RANBP17: variants seen among roughly 807,000 people sequenced by gnomAD.
RANBP17 encodes the protein ran-binding protein 17.
RANBP17 carries 158 observed loss-of-function variants against 141.2 expected under a neutral mutation model. The observed-to-expected ratio is 1.12, with a 90% CI of 0.98 to 1.28. The LOEUF is 1.28. Ranked by LOEUF, RANBP17 falls within the 50% of genes most tolerant of loss-of-function variation. RANBP17 has a pLI of 0.00. For synonymous variants in RANBP17, 430 were observed against 450.0 expected, an observed-to-expected ratio of 0.96 and a Z score of 0.56; for missense variants, 1,438 against 1,290.7, an observed-to-expected ratio of 1.11 and a Z score of -1.75.
Position 170,909,765 on chromosome 5 carries a change from G to T in RANBP17, c.594G>T (p.Glu198Asp), listed in dbSNP as rs749653839. 3 of 1,429,260 alleles carry T rather than the reference G, an allele frequency of 2.1e-6. No individual in the cohort carries two copies. The highest frequency in any genetic ancestry group is 2.9e-6 in the Non-Finnish European group (3 of 1,017,898). The allele number at this position is 1,429,260 out of a possible 1,614,324, so 88.5% of individuals were successfully genotyped here. The stretch of plus-strand genomic sequence containing the variant: ...TGCTAGCATGCTCTCTTTTAAAAGA[G>T]GTAAGTTATTTGATAATTCAACTTC... ...VLVLACSLLK[E>D]VFAKPLNLQD... is the part of the protein sequence containing the mutation. The change falls in exon 6 of 28, where the codon GAG (glutamate) becomes GAT (aspartate). Residue 198 changes from glutamate to aspartate, a missense_variant and splice_region_variant. By Grantham distance (45) the Glu-to-Asp change is conservative. Coordinates refer to ENST00000523189, the MANE Select transcript of RANBP17 (RefSeq NM_022897.5).
At chr5:170,983,373 T>C (rs1365941788) in intron 14 of RANBP17, 1 of 234,056 alleles carries the variant, frequency 4.3e-6, no homozygotes, top group Non-Finnish European at 8.4e-6. Flanking sequence ...TAGTAATAAA[T>C]AGAATCACAT....
chr5:170,952,174 C>T lies in RANBP17; in HGVS notation c.1469-1423C>T, dbSNP rs72842821. Among the ~76,000 whole-genome samples, 367 of 152,082 alleles carry T rather than the reference C, an allele frequency of 2.4e-3. 1 individual carries two copies. Among genetic ancestry groups the T allele is most frequent in the South Asian group, 0.01 (49 of 4,822 alleles). ...CTTCTATGATAGACTTTTATATTGA[C>T]CCTAAAACACTGAAATTCATAAGGT... is the stretch of plus-strand genomic sequence containing the variant. On this transcript the variant is annotated intron_variant, in intron 12 of 27. Transcript: ENST00000523189.
chr5:171,138,655 A>T (rs1757479846), intron 14 of RANBP17, among the ~76,000 whole-genome samples: 1 of 152,064 alleles, frequency 6.6e-6, no homozygotes, highest in South Asian at 2.1e-4. Flanking sequence ...TATTTCCCCA[A>T]CTGGAAATAT....
chr5:170,903,666 G>A (rs567996149), intron 5 of RANBP17: 11 of 279,118 alleles, frequency 3.9e-5, no homozygotes, highest in East Asian at 2.8e-4. Context: ...AACTTAATGA[G>A]CAAGCAGACT....
chr5:171,266,421 G>T (rs1289268859), intron 25 of RANBP17, among the ~76,000 whole-genome samples: 1 of 152,098 alleles, frequency 6.6e-6, no homozygotes, highest in African/African-American at 2.4e-5. Flanking sequence ...GTTCTAACTA[G>T]CTAATGGGTT....
intron 1 of RANBP17, among the ~76,000 whole-genome samples, chr5:170,862,922 A>C (rs1215127070): frequency 6.6e-6 from 1 of 152,182 alleles, no homozygotes; most frequent in Non-Finnish European, 1.5e-5. Context: ...CATAGCACAG[A>C]AAAGGGGGTA....
intron 14 of RANBP17, among the ~76,000 whole-genome samples, chr5:171,059,923 G>A (rs1783693085): frequency 2.3e-5 from 1 of 44,142 alleles, no homozygotes; most frequent in Admixed American, 2.9e-4. Flanking sequence ...TCTCTTTGAA[G>A]CAATTGTGAA....
chr5:171,048,115 T>G (rs1782712467), intron 14 of RANBP17, among the ~76,000 whole-genome samples: 1 of 152,100 alleles, frequency 6.6e-6, no homozygotes, highest in South Asian at 2.1e-4. Context: ...CATCCTGGAG[T>G]GCGATGACAC....
chr5:171,056,517 T>C lies in RANBP17; in HGVS notation c.1710+88140T>C, dbSNP rs1297084294. ...AAATCATATCAGAATTACAGGAGTT[T>C]CCCGTAATTTTGGAACAGATACCAA... On this transcript the variant is annotated intron_variant, in intron 14 of 27. Transcript: ENST00000523189. Among the ~76,000 whole-genome samples the C allele has an allele frequency of 2.0e-5, 3 of 152,240 alleles. No homozygotes were observed. The South Asian group carries it at 6.2e-4, about 32-fold the overall frequency.
chr5:171,276,146 A>G (rs1007941978), intron 25 of RANBP17, among the ~76,000 whole-genome samples: 4 of 152,254 alleles, frequency 2.6e-5, no homozygotes, highest in Admixed American at 6.5e-5. Context: ...GCAGTTGTTC[A>G]AAACTCAAGA....
At chr5:170,950,236 A>G (rs1055935827) in intron 12 of RANBP17, among the ~76,000 whole-genome samples, 6 of 152,144 alleles carry the variant, frequency 3.9e-5, no homozygotes, top group Admixed American at 2.0e-4. Context: ...AAATAGACAA[A>G]TGGGATTATA....
At chr5:171,298,136 G>A (rs1440262269) in intron 27 of RANBP17, among the ~76,000 whole-genome samples, 1 of 152,112 alleles carries the variant, frequency 6.6e-6, no homozygotes, top group African/African-American at 2.4e-5. Flanking sequence ...GGAATTACAG[G>A]CATGAGCCAC....
At chr5:171,083,294 G>A (rs950357630) in intron 14 of RANBP17, among the ~76,000 whole-genome samples, 1 of 152,044 alleles carries the variant, frequency 6.6e-6, no homozygotes, top group African/African-American at 2.4e-5. Flanking sequence ...AGACATAAGT[G>A]CCCTTATAAA....
chr5:171,140,704 G>A (rs1757628764), intron 14 of RANBP17, among the ~76,000 whole-genome samples: 1 of 152,204 alleles, frequency 6.6e-6, no homozygotes. Context: ...TATTGTGGTG[G>A]TAGTTACACA....
chr5:171,284,593 G>A (rs1263628575), intron 25 of RANBP17: 1 of 152,168 alleles, frequency 6.6e-6, no homozygotes, highest in Non-Finnish European at 1.5e-5. Flanking sequence ...CCAAAGTGCT[G>A]GGATTACAGA....
chr5:171,044,600 C>T (rs1352743518), intron 14 of RANBP17, among the ~76,000 whole-genome samples: 1 of 151,914 alleles, frequency 6.6e-6, no homozygotes, highest in African/African-American at 2.4e-5. Flanking sequence ...ATTAGAGAAA[C>T]TGTCAATAAA....
chr5:171,172,572 T>G (rs941188323), intron 16 of RANBP17, among the ~76,000 whole-genome samples: 1 of 151,754 alleles, frequency 6.6e-6, no homozygotes, highest in Non-Finnish European at 1.5e-5. Flanking sequence ...GAAATACTCT[T>G]TATTTCTAAC....
chr5:171,267,530 G>A (rs566674533), intron 25 of RANBP17, among the ~76,000 whole-genome samples: 15 of 152,216 alleles, frequency 9.9e-5, no homozygotes, highest in Admixed American at 2.6e-4. Context: ...AATGTTGGCC[G>A]GGCGCAGTGA....
chr5:171,143,151 C>A (rs1053220384), intron 14 of RANBP17: 1 of 152,192 alleles, frequency 6.6e-6, no homozygotes, highest in Admixed American at 6.5e-5. Flanking sequence ...GATACCTCCA[C>A]AAAATAATCC....
Sources: allele counts gnomAD v4.1 joint callset (sites outside exome capture counted in the v4.1 genomes callset), GRCh38; gene constraint gnomAD v4.1.1; transcripts MANE v1.5; gene names NCBI Gene and HGNC (gene_info 2026-07-23, HGNC 2026-07-21).